Variants in TULP4 observed in about 807,000 individuals in gnomAD.
TULP4 encodes TUB like protein 4.
A neutral mutation model predicts 129.0 loss-of-function variants in TULP4; 16 were observed. That is an observed-to-expected ratio of 0.12 (90% CI 0.08 to 0.19). The LOEUF (loss-of-function observed/expected upper bound fraction) is 0.19, where lower values mean the gene tolerates loss of function less well. TULP4 is among the 10% of genes least tolerant of loss of function. The probability of loss-of-function intolerance (pLI) is 1.00; values close to 1 mark genes in which losing one functional copy is unlikely to be tolerated. For synonymous variants in TULP4, 998 were observed against 854.0 expected (o/e 1.17, Z -2.94); for missense variants, 1,842 against 2,059.1 (o/e 0.89, Z 2.04).
intron 1 of TULP4, among the ~76,000 whole-genome samples, chr6:158,249,555 T>A (rs1263260372): frequency 3.3e-5 from 5 of 152,250 alleles, no homozygotes; most frequent in African/African-American, 1.2e-4. Flanking sequence ...TGTAGCTTAC[T>A]CTAATGCATC....
At chr6:158,274,266 A>G (rs957091903) in intron 1 of TULP4, among the ~76,000 whole-genome samples, 4 of 151,942 alleles carry the variant, frequency 2.6e-5, no homozygotes, top group Non-Finnish European at 5.9e-5. Flanking sequence ...TCAAAAAAAC[A>G]AAAACAAAAC....
intron 1 of TULP4, among the ~76,000 whole-genome samples, chr6:158,379,880 A>G (rs1279608550): frequency 6.6e-6 from 1 of 152,122 alleles, no homozygotes; most frequent in Non-Finnish European, 1.5e-5. Context: ...AGCAGTCTGG[A>G]GTTAGGGAGG....
At chr6:158,261,357 TG>T (rs1778348493) in intron 1 of TULP4, among the ~76,000 whole-genome samples, 1 of 152,154 alleles carries the variant, frequency 6.6e-6, no homozygotes, top group African/African-American at 2.4e-5. Flanking sequence ...ACATGGTCAG[TG>T]GGTTAAGAAG....
chr6:158,402,023 T>C (rs1161920101), intron 1 of TULP4, among the ~76,000 whole-genome samples: 1 of 152,222 alleles, frequency 6.6e-6, no homozygotes, highest in Non-Finnish European at 1.5e-5. Flanking sequence ...CTTCGGTGTA[T>C]ATTTTTCTGT....
chr6:158,446,357 G>A (rs1008707156), intron 3 of TULP4, among the ~76,000 whole-genome samples: 3 of 152,086 alleles, frequency 2.0e-5, no homozygotes, highest in Non-Finnish European at 4.4e-5. Context: ...GGGAACTGTA[G>A]TTGTAATTCA....
chr6:158,503,988 T>C lies in TULP4; in HGVS notation c.4325T>C (p.Leu1442Pro). ...SKRSPRAAGELEEAKCRRASE... is the reference protein window; with the variant it reads ...SKRSPRAAGEPEEAKCRRASE... ...CGCTCCCCACGGGCCGCCGGCGAGC[T>C]GGAGGAGGCCAAGTGCCGGCGGGCC... is the stretch of plus-strand genomic sequence containing the variant. The change falls in exon 13 of 14, where the codon CTG becomes CCG. Residue 1442 changes from leucine (L) to proline (P), a missense_variant. Coordinates refer to ENST00000367097, the MANE Select transcript of TULP4 (RefSeq NM_020245.5). The surrounding 1 kb of genome is among the most constrained non-coding windows in gnomAD (Gnocchi z 4.3). 1.9e-6 allele frequency: 3 copies of C among 1,612,782 alleles called. No individual in the cohort carries two copies. The highest frequency in any genetic ancestry group is 2.5e-6 in the Non-Finnish European group (3 of 1,179,540).
chr6:158,467,635 A>G (rs964013727), intron 6 of TULP4, among the ~76,000 whole-genome samples: 1 of 152,160 alleles, frequency 6.6e-6, no homozygotes, highest in Non-Finnish European at 1.5e-5. Flanking sequence ...TTGTAAAATC[A>G]CAAGTCAGAT....
intron 1 of TULP4, among the ~76,000 whole-genome samples, chr6:158,268,035 C>CTTTTTTTTTTTTTTTTTTTTTTTTTCT (rs773811376): frequency 1.4e-5 from 1 of 72,770 alleles, no homozygotes; most frequent in Non-Finnish European, 3.1e-5. Flanking sequence ...TTTCTTTTTT[C>CTTTTTTTTTTTTTTTTTTTTTTTTTCT]TTTTTTTTTT....
At chr6:158,372,074 C>G (rs1777081862) in intron 1 of TULP4, among the ~76,000 whole-genome samples, 1 of 146,820 alleles carries the variant, frequency 6.8e-6, no homozygotes, top group African/African-American at 2.5e-5. Context: ...CTCGGCCTCT[C>G]AAAGTGCTGG....
chr6:158,243,935 T>C (rs1050746915), intron 1 of TULP4, among the ~76,000 whole-genome samples: 3 of 151,824 alleles, frequency 2.0e-5, no homozygotes, highest in Middle Eastern at 3.2e-3. Context: ...GTATAGAGTG[T>C]ATAGGAAGGG....
rs530009385 is a variant in TULP4, at chr6:158,464,575, C to T, written c.1026+2846C>T. Among the ~76,000 whole-genome samples the T allele has an allele frequency of 2.8e-4, 43 of 152,286 alleles. 1 individual carries two copies. The South Asian group carries it at 6.4e-3, about 23-fold the overall frequency. ...TCAGCTCACTGCAACCTCTGCCTCC[C>T]GGGTTTAAGCAGTTCTGCTTTCACC... On this transcript the variant is annotated intron_variant, in intron 6 of 13. Transcript: ENST00000367097.
chr6:158,295,642 C>T (rs912372045), intron 1 of TULP4, among the ~76,000 whole-genome samples: 2 of 152,184 alleles, frequency 1.3e-5, no homozygotes, highest in African/African-American at 4.8e-5. Context: ...GTAGTCCCAA[C>T]ACTTTGGGAG....
intron 1 of TULP4, among the ~76,000 whole-genome samples, chr6:158,240,543 G>A (rs1464439256): frequency 3.3e-5 from 3 of 89,706 alleles, no homozygotes; most frequent in Non-Finnish European, 5.0e-5. Flanking sequence ...CCTCCCTCCC[G>A]GACGGGGGCG....
chr6:158,444,219 CAAAAA>C (rs71030171), intron 3 of TULP4, among the ~76,000 whole-genome samples: 7 of 34,128 alleles, frequency 2.1e-4, no homozygotes, highest in Admixed American at 5.4e-4. Flanking sequence ...GACTCTGTCT[CAAAAA>C]AAAAAAAAAA....
At chr6:158,435,221 T>C (rs1407565732) in intron 3 of TULP4, among the ~76,000 whole-genome samples, 1 of 152,220 alleles carries the variant, frequency 6.6e-6, no homozygotes, top group African/African-American at 2.4e-5. Context: ...GGTAGCCCCC[T>C]GTCCTGGGTC....
At chr6:158,386,952 G>C (rs1777462226) in intron 1 of TULP4, among the ~76,000 whole-genome samples, 1 of 152,002 alleles carries the variant, frequency 6.6e-6, no homozygotes, top group African/African-American at 2.4e-5. Flanking sequence ...GTTTATTTCT[G>C]TCAAAGCGAT....
Position 158,504,029 on chromosome 6 carries a change from G to A in TULP4, c.4366G>A (p.Gly1456Arg), listed in dbSNP as rs763643235. Reference protein sequence around the residue: ...KCRRASEKEDGRLGSQGFVYV... With the variant: ...KCRRASEKEDRRLGSQGFVYV... ...CCGGCGGGCCAGTGAGAAGGAGGAC[G>A]GGCGGCTGGGCAGCCAAGGCTTCGT... Residue 1456 changes from glycine (G) to arginine (R), a missense_variant, in exon 13 of 14, where the codon GGG (glycine) becomes AGG (arginine). Gly to Arg is a moderately radical substitution (Grantham distance 125, BLOSUM62 -2). Coordinates refer to ENST00000367097, the MANE Select transcript of TULP4 (RefSeq NM_020245.5). The A allele has an allele frequency of 1.7e-5, 28 of 1,610,750 alleles. No homozygotes were observed. Among genetic ancestry groups the A allele is most frequent in the Admixed American group, 3.4e-5 (2 of 59,396 alleles).
At chr6:158,456,146 C>T (rs921902945) in intron 5 of TULP4, among the ~76,000 whole-genome samples, 1 of 152,098 alleles carries the variant, frequency 6.6e-6, no homozygotes, top group Non-Finnish European at 1.5e-5. Flanking sequence ...CTGAACAGGA[C>T]TTGTAAGTTA....
At position 158,503,178 on chromosome 6, in the gene TULP4, A is replaced by G. The variant is rs774549429; in HGVS notation, c.3515A>G (p.Lys1172Arg). The G allele has an allele frequency of 5.6e-6, 9 of 1,613,496 alleles. No individual in the cohort carries two copies. The highest frequency in any genetic ancestry group is 1.3e-5 in the African/African-American group (1 of 74,834). Residue 1172 changes from lysine (K) to arginine (R), a missense_variant, in exon 13 of 14, where the codon AAG becomes AGG. By Grantham distance (26) the Lys-to-Arg change is conservative (BLOSUM62 2). Transcript: ENST00000367097. This position sits in a 1 kb window ranked among gnomAD's most constrained non-coding sequence, Gnocchi z 4.3. Reference sequence around the variant, plus strand: ...TCCCGACTGCCCTTCATCTCCCCCAAGTCTCCTGCCAGCCCCACTGCCACT... The same window carrying G: ...TCCCGACTGCCCTTCATCTCCCCCAGGTCTCCTGCCAGCCCCACTGCCACT... ...DVSRLPFISPKSPASPTATFQ... is the reference protein window; with the variant it reads ...DVSRLPFISPRSPASPTATFQ...
Sources: gnomAD v4.1 joint callset for allele counts (sites outside exome capture counted in the v4.1 genomes callset) on GRCh38, gnomAD v4.1.1 for gene constraint, Gnocchi (gnomAD v3.1) non-coding constraint, MANE v1.5 for transcripts, NCBI Gene and HGNC (gene_info 2026-07-23, HGNC 2026-07-21) for gene names.